LARGE1: variants seen among roughly 807,000 people sequenced by gnomAD.
LARGE1 encodes the protein LARGE xylosyl- and glucuronyltransferase 1.
LARGE1 carries 43 observed loss-of-function variants against 87.6 expected under a neutral mutation model. That is an observed-to-expected ratio of 0.49 (90% CI 0.38 to 0.63). LARGE1 has a LOEUF of 0.63. Ranked by LOEUF, LARGE1 falls within the 30% of genes least tolerant of loss-of-function variation. The pLI is 0.00. For missense variants in LARGE1, 802 were observed against 1,000.2 expected (o/e 0.80, Z 2.67); for synonymous variants, 434 against 394.6 (o/e 1.10, Z -1.18).
intron 11 of LARGE1, among the ~76,000 whole-genome samples, chr22:33,191,119 G>T (rs958291732): frequency 1.3e-5 from 2 of 152,074 alleles, no homozygotes; most frequent in Non-Finnish European, 2.9e-5. Context: ...ATGTATGTTT[G>T]CTGAATGAAT....
chr22:33,222,188 G>T (rs757339093), intron 11 of LARGE1, among the ~76,000 whole-genome samples: 13 of 152,184 alleles, frequency 8.5e-5, no homozygotes, highest in Non-Finnish European at 1.2e-4. Context: ...TAAGAAAAAA[G>T]AAAAAGGGCA....
intron 1 of LARGE1, among the ~76,000 whole-genome samples, chr22:33,830,306 A>T (rs2146325984): frequency 6.6e-6 from 1 of 152,316 alleles, no homozygotes; most frequent in Admixed American, 6.5e-5. Flanking sequence ...GGGGAGCTCT[A>T]CAGTGAAGAA....
At chr22:33,780,199 G>T (rs1283073268) in intron 1 of LARGE1, among the ~76,000 whole-genome samples, 6 of 152,214 alleles carry the variant, frequency 3.9e-5, no homozygotes, top group African/African-American at 1.4e-4. Context: ...AAGGACCCAA[G>T]TGGCTTCAGG....
chr22:33,189,124 A>G (rs971384061), intron 11 of LARGE1, among the ~76,000 whole-genome samples: 9 of 152,194 alleles, frequency 5.9e-5, no homozygotes, highest in African/African-American at 1.9e-4. Context: ...AGATCCCAAG[A>G]GGTCCACAAA....
At chr22:33,601,897 G>A (rs1370713626) in intron 5 of LARGE1, among the ~76,000 whole-genome samples, 1 of 152,156 alleles carries the variant, frequency 6.6e-6, no homozygotes, top group Admixed American at 6.5e-5. Context: ...CTGGATTAAA[G>A]TAGGCCTGAC....
chr22:33,557,708 G>A (rs1334424366), intron 6 of LARGE1, among the ~76,000 whole-genome samples: 3 of 152,154 alleles, frequency 2.0e-5, no homozygotes, highest in Non-Finnish European at 4.4e-5. Context: ...TGGAATTACA[G>A]GTGACTGCCA....
At chr22:33,874,734 T>C (rs544930747) in intron 1 of LARGE1, among the ~76,000 whole-genome samples, 1 of 152,302 alleles carries the variant, frequency 6.6e-6, no homozygotes, top group East Asian at 1.9e-4. Flanking sequence ...ACTTAGCCTG[T>C]CTGTGCCTCG....
intron 6 of LARGE1, among the ~76,000 whole-genome samples, chr22:33,490,810 T>A (rs1282933670): frequency 6.6e-6 from 1 of 152,270 alleles, no homozygotes; most frequent in Non-Finnish European, 1.5e-5. Flanking sequence ...ACTGACACTT[T>A]AGTAGCTCTT....
At chr22:33,322,723 G>C (rs1455672763) in intron 10 of LARGE1, 1 of 152,248 alleles carries the variant, frequency 6.6e-6, no homozygotes, top group Non-Finnish European at 1.5e-5. Context: ...CCAATAATGG[G>C]ATTTGGTGGC....
chr22:33,741,783 T>C (rs116085554), intron 2 of LARGE1, among the ~76,000 whole-genome samples: 1,794 of 152,328 alleles, frequency 0.012, 35 homozygotes, highest in African/African-American at 0.04. Context: ...AGCTCTGTCC[T>C]GCAATCACCT....
chr22:33,871,410 C>A (rs1010495796), intron 1 of LARGE1, among the ~76,000 whole-genome samples: 1 of 152,156 alleles, frequency 6.6e-6, no homozygotes, highest in Admixed American at 6.5e-5. Flanking sequence ...ACAAAAGACA[C>A]AGACTCAGCC....
chr22:33,265,620 C>T (rs561831229), intron 11 of LARGE1, among the ~76,000 whole-genome samples: 3 of 152,272 alleles, frequency 2.0e-5, no homozygotes, highest in East Asian at 1.9e-4. Flanking sequence ...ACTCACACAC[C>T]CATCTGCCTC....
chr22:33,710,370 C>T (rs1308023697), intron 2 of LARGE1, among the ~76,000 whole-genome samples: 1 of 152,052 alleles, frequency 6.6e-6, no homozygotes, highest in Non-Finnish European at 1.5e-5. Flanking sequence ...AGAATTGGCC[C>T]CAGAAAATGG....
At chr22:33,466,508 G>C (rs5754566) in intron 6 of LARGE1, among the ~76,000 whole-genome samples, 3 of 151,604 alleles carry the variant, frequency 2.0e-5, no homozygotes, top group African/African-American at 4.9e-5. Context: ...AAAAAGGAAG[G>C]CTGCATTAAA....
intron 4 of LARGE1, among the ~76,000 whole-genome samples, chr22:33,614,547 C>T (rs1175492405): frequency 6.6e-6 from 1 of 152,054 alleles, no homozygotes; most frequent in East Asian, 1.9e-4. Context: ...CTTCACACCC[C>T]TTCCTTAAAC....
chr22:33,418,684 C>T (rs2066585766), intron 7 of LARGE1, among the ~76,000 whole-genome samples: 1 of 152,110 alleles, frequency 6.6e-6, no homozygotes, highest in African/African-American at 2.4e-5. Context: ...GCCTGGGCAA[C>T]AGCCAGGGGG....
intron 6 of LARGE1, among the ~76,000 whole-genome samples, chr22:33,557,871 A>G (rs914407660): frequency 1.3e-5 from 2 of 152,080 alleles, no homozygotes; most frequent in African/African-American, 4.8e-5. Flanking sequence ...CCGGCCCAGG[A>G]GAACTTCTAA....
intron 7 of LARGE1, among the ~76,000 whole-genome samples, chr22:33,415,635 G>A (rs938095165): frequency 1.3e-5 from 2 of 152,138 alleles, no homozygotes; most frequent in Non-Finnish European, 2.9e-5. Context: ...GGGGGCTCTC[G>A]CTTGGCTGCC....
chr22:33,573,325 G>C (rs893778814), intron 5 of LARGE1, among the ~76,000 whole-genome samples: 3 of 152,056 alleles, frequency 2.0e-5, no homozygotes, highest in African/African-American at 7.2e-5. Context: ...TGTAATCCCA[G>C]CTACTCGGGA....
Sources: gnomAD v4.1 joint callset for allele counts (sites outside exome capture counted in the v4.1 genomes callset) on GRCh38, gnomAD v4.1.1 for gene constraint, MANE v1.5 for transcripts, NCBI Gene and HGNC (gene_info 2026-07-23, HGNC 2026-07-21) for gene names.